The following BICD1 variants were observed in gnomAD, a reference collection of about 807,000 sequenced individuals.
BICD1 encodes BICD cargo adaptor 1.
A neutral mutation model predicts 92.5 loss-of-function variants in BICD1; 35 were observed. The observed-to-expected ratio is 0.38, with a 90% CI of 0.29 to 0.50. BICD1 has a LOEUF of 0.50. Among genes scored for constraint, BICD1 ranks in the 20% least tolerant of loss-of-function variants. The pLI is 0.93. For synonymous variants in BICD1, 429 were observed against 465.1 expected, an observed-to-expected ratio of 0.92 and a Z score of 1.00; for missense variants, 950 against 1,189.8, an observed-to-expected ratio of 0.80 and a Z score of 2.97.
At chr12:32,107,826 CGACATTCAA>C in intron 1 of BICD1, 1 of 685,652 alleles carries the variant, frequency 1.5e-6, no homozygotes, top group South Asian at 1.5e-5. Flanking sequence ...CACTCTAAGA[CGACATTCAA>C]GTGGGTTGGA....
At chr12:32,217,256 C>T (rs531315473) in intron 2 of BICD1, among the ~76,000 whole-genome samples, 60 of 152,306 alleles carry the variant, frequency 3.9e-4, no homozygotes, top group African/African-American at 1.3e-3. Context: ...AACTCCTACA[C>T]CAATGCAGTG....
intron 8 of BICD1, among the ~76,000 whole-genome samples, chr12:32,341,876 T>C (rs117226284): frequency 1.5e-3 from 231 of 152,140 alleles, no homozygotes; most frequent in East Asian, 0.014. Context: ...TTTATGATGC[T>C]TTTACTATAT....
At position 32,327,578 on chromosome 12, in the gene BICD1, G is replaced by C; in HGVS notation, c.1123G>C (p.Val375Leu). ...GCGGGTGCACCGGCTCACAGAGCAC[G>C]TCAATGCCATGAGGGGCCTGCAAAG... is the stretch of plus-strand genomic sequence containing the variant. ...HERVHRLTEH[V>L]NAMRGLQSSK... The change falls in exon 5 of 10, where the codon GTC becomes CTC. Residue 375 changes from valine (V) to leucine (L), a missense_variant. By Grantham distance (32) the Val-to-Leu change is conservative (BLOSUM62 1). Around this residue, in one of 5 missense-constraint regions of BICD1, gnomAD observed 246 missense variants for 258.4 expected, o/e 0.95. Transcript: ENST00000652176. 1 of 1,614,166 alleles carries C rather than the reference G, an allele frequency of 6.2e-7. No individual in the cohort carries two copies. The highest frequency in any genetic ancestry group is 8.5e-7 in the Non-Finnish European group (1 of 1,180,036).
Position 32,109,944 on chromosome 12 carries a change from A to G in BICD1, c.213+2400A>G, listed in dbSNP as rs1017750703. On this transcript the variant is annotated intron_variant, in intron 1 of 9. Coordinates refer to ENST00000652176, the MANE Select transcript of BICD1 (RefSeq NM_001714.4). ...CAAAAGAAAGTTTTGCTCATCAGGT[A>G]TGTATAGTAAATGATGTTGCATTAT... is the stretch of plus-strand genomic sequence containing the variant. 3.3e-5 allele frequency among the ~76,000 whole-genome samples: 5 copies of G among 152,334 alleles called. 1 individual carries two copies. The highest frequency in any genetic ancestry group is 1.3e-4 in the Admixed American group (2 of 15,302).
intron 2 of BICD1, among the ~76,000 whole-genome samples, chr12:32,240,844 A>G (rs1195109496): frequency 1.3e-5 from 2 of 152,244 alleles, no homozygotes; most frequent in Admixed American, 1.3e-4. Context: ...TCTTTATTAT[A>G]TCTCATTCTA....
chr12:32,300,304 C>T (rs947479722), intron 3 of BICD1, among the ~76,000 whole-genome samples: 8 of 151,518 alleles, frequency 5.3e-5, no homozygotes, highest in Non-Finnish European at 1.2e-4. Flanking sequence ...GGTGTTTCAC[C>T]GTGTTAGTCA....
intron 2 of BICD1, among the ~76,000 whole-genome samples, chr12:32,237,361 G>GTAAGT (rs1946104246): frequency 2.0e-5 from 3 of 152,240 alleles, no homozygotes; most frequent in Admixed American, 6.5e-5. Context: ...AGAAGCTGCA[G>GTAAGT]TAAGTTATCC....
At chr12:32,136,697 T>C (rs915102028) in intron 1 of BICD1, among the ~76,000 whole-genome samples, 6 of 151,688 alleles carry the variant, frequency 4.0e-5, no homozygotes, top group Non-Finnish European at 8.8e-5. Context: ...AATGCAGGAG[T>C]CCTGTCCTGA....
chr12:32,267,703 C>G (rs1947036169), intron 2 of BICD1, among the ~76,000 whole-genome samples: 1 of 152,140 alleles, frequency 6.6e-6, no homozygotes, highest in African/African-American at 2.4e-5. Flanking sequence ...CCCATCTTTC[C>G]CCCACTGATC....
intron 4 of BICD1, among the ~76,000 whole-genome samples, chr12:32,315,963 C>T (rs1948489159): frequency 6.6e-6 from 1 of 151,876 alleles, no homozygotes; most frequent in Admixed American, 6.6e-5. Context: ...AGGTGAAACC[C>T]CGTCTCTACT....
intron 2 of BICD1, among the ~76,000 whole-genome samples, chr12:32,236,000 A>G (rs1415970270): frequency 1.3e-5 from 2 of 151,394 alleles, no homozygotes; most frequent in African/African-American, 4.9e-5. Flanking sequence ...GCCTGGCCCA[A>G]ACTTTTTCAT....
At chr12:32,210,013 C>T (rs3850982) in intron 1 of BICD1, among the ~76,000 whole-genome samples, 58,687 of 152,106 alleles carry the variant, frequency 0.39, 11,384 homozygotes, top group South Asian at 0.53. Context: ...GAAAGTTCCA[C>T]TGGGCACTGC....
chr12:32,376,510 G>T (rs1939970937), intron 9 of BICD1, among the ~76,000 whole-genome samples: 1 of 152,072 alleles, frequency 6.6e-6, no homozygotes, highest in African/African-American at 2.4e-5. Flanking sequence ...CCTGAGCACA[G>T]GTTCATTTAA....
In BICD1 at chr12:32,327,630, A is replaced by AC; in HGVS notation, c.1176dup (p.Gly393ArgfsTer13). ...AGCAAGGAGCTCAAGGCTGAGCTGG[A>AC]CGGGGAGAAGGGCCGGGACTCAGGG... is the stretch of plus-strand genomic sequence containing the variant. On this transcript the variant is annotated frameshift_variant, in exon 5 of 10. Transcript: ENST00000652176. LOFTEE classifies it high-confidence loss of function. The AC allele has an allele frequency of 6.2e-7, 1 of 1,614,092 alleles. No homozygotes were observed. Among genetic ancestry groups the AC allele is most frequent in the Non-Finnish European group, 8.5e-7 (1 of 1,180,004 alleles).
chr12:32,143,230 T>C (rs1361907470), intron 1 of BICD1, among the ~76,000 whole-genome samples: 2 of 152,132 alleles, frequency 1.3e-5, no homozygotes, highest in Non-Finnish European at 2.9e-5. Context: ...ACCACCCAGA[T>C]GAAGGAAATA....
intron 8 of BICD1, among the ~76,000 whole-genome samples, chr12:32,345,101 A>G (rs1334305036): frequency 6.6e-6 from 1 of 152,142 alleles, no homozygotes; most frequent in Non-Finnish European, 1.5e-5. Flanking sequence ...GGCCTGGGTA[A>G]CATAGCGAGA....
At chr12:32,175,299 T>G (rs966638999) in intron 1 of BICD1, among the ~76,000 whole-genome samples, 2 of 152,184 alleles carry the variant, frequency 1.3e-5, no homozygotes, top group Non-Finnish European at 2.9e-5. Flanking sequence ...TACCTTGTGT[T>G]TCTAACACAT....
At chr12:32,254,072 C>G (rs112231307) in intron 2 of BICD1, among the ~76,000 whole-genome samples, 1 of 125,600 alleles carries the variant, frequency 8.0e-6, no homozygotes, top group Non-Finnish European at 1.8e-5. Flanking sequence ...ATCCCACCTG[C>G]CATAATCACT....
intron 1 of BICD1, among the ~76,000 whole-genome samples, chr12:32,188,871 G>A (rs1944490146): frequency 6.6e-6 from 1 of 152,016 alleles, no homozygotes. Flanking sequence ...GGGACTACAG[G>A]CGCCCACTAC....
Sources: gnomAD v4.1 joint callset for allele counts (sites outside exome capture counted in the v4.1 genomes callset) on GRCh38, gnomAD v4.1.1 for gene constraint, gnomAD v4.1.1 regional missense constraint, MANE v1.5 for transcripts, NCBI Gene and HGNC (gene_info 2026-07-23, HGNC 2026-07-21) for gene names.